Variants in SV2C observed in about 807,000 individuals in gnomAD.
SV2C encodes the protein synaptic vesicle glycoprotein 2C, also known as solute carrier family 22 member B3.
Under a neutral mutation model 79.7 loss-of-function variants are expected in SV2C, and 49 were observed. That is an observed-to-expected ratio of 0.61 (90% CI 0.49 to 0.78). SV2C has a LOEUF of 0.78. Among genes scored for constraint, SV2C ranks in the 30% least tolerant of loss-of-function variants. SV2C has a pLI of 0.00. For synonymous variants in SV2C, 334 were observed against 333.2 expected, an observed-to-expected ratio of 1.00 and a Z score of -0.03; for missense variants, 833 against 912.9, an observed-to-expected ratio of 0.91 and a Z score of 1.13.
the SV2C span, among the ~76,000 whole-genome samples, chr5:76,038,025 C>T: frequency 5.9e-5 from 9 of 152,320 alleles, no homozygotes; most frequent in Non-Finnish European, 1.3e-4. Flanking sequence ...TCTGTCACCA[C>T]TTTCTTTGAC....
intron 2 of SV2C, among the ~76,000 whole-genome samples, chr5:76,186,610 T>G (rs1261991606): frequency 6.6e-6 from 1 of 152,164 alleles, no homozygotes; most frequent in Admixed American, 6.5e-5. Context: ...GAGAATTGCT[T>G]GAATCCAGGA....
the SV2C span, among the ~76,000 whole-genome samples, chr5:76,076,312 T>C: frequency 1.3e-5 from 2 of 152,232 alleles, no homozygotes; most frequent in East Asian, 3.8e-4. Context: ...ATCTGGTGCC[T>C]TTTTAAATAT....
chr5:76,300,156 A>AATAATTATT (rs1747932468), intron 10 of SV2C, among the ~76,000 whole-genome samples: 1 of 139,684 alleles, frequency 7.2e-6, no homozygotes, highest in Non-Finnish European at 1.5e-5. Flanking sequence ...TCAAATAAAA[A>AATAATTATT]ATTATTATTA....
intron 2 of SV2C, chr5:76,173,643 A>G (rs1187595752): frequency 1.9e-6 from 3 of 1,612,690 alleles, no homozygotes; most frequent in Admixed American, 1.7e-5. Context: ...AGCAGCTGAC[A>G]TGATGACTTT....
intron 4 of SV2C, among the ~76,000 whole-genome samples, chr5:76,220,301 G>A (rs1219539826): frequency 1.3e-5 from 2 of 152,094 alleles, no homozygotes; most frequent in Non-Finnish European, 2.9e-5. Context: ...GAAATCAACT[G>A]GTGCATTCTT....
the SV2C span, among the ~76,000 whole-genome samples, chr5:75,884,990 C>T: frequency 6.6e-6 from 1 of 152,006 alleles, no homozygotes; most frequent in South Asian, 2.1e-4. Flanking sequence ...AAAGAAACAA[C>T]AATAGAATAA....
chr5:76,168,603 G>A (rs940795332), intron 2 of SV2C, among the ~76,000 whole-genome samples: 11 of 152,174 alleles, frequency 7.2e-5, no homozygotes, highest in African/African-American at 2.2e-4. Context: ...TTCTTATGCC[G>A]CGTTGCTCTC....
At chr5:76,174,053 A>C in intron 2 of SV2C, 1 of 1,576,872 alleles carries the variant, frequency 6.3e-7, no homozygotes, top group Non-Finnish European at 8.7e-7. Flanking sequence ...ATCTACTTCA[A>C]CTTGCTCTCT....
At chr5:76,152,907 G>A (rs7726643) in intron 2 of SV2C, among the ~76,000 whole-genome samples, 69,740 of 151,908 alleles carry the variant, frequency 0.46, 16,248 homozygotes, top group South Asian at 0.51. Flanking sequence ...GTGGGATCAT[G>A]GATCATATTT....
the SV2C span, among the ~76,000 whole-genome samples, chr5:75,926,988 C>T: frequency 5.3e-5 from 8 of 151,964 alleles, no homozygotes; most frequent in African/African-American, 1.5e-4. Context: ...TACTATTTGG[C>T]GGAAGAAGAT....
the SV2C span, among the ~76,000 whole-genome samples, chr5:75,992,438 A>G: frequency 1.3e-5 from 2 of 152,076 alleles, no homozygotes; most frequent in Admixed American, 1.3e-4. Flanking sequence ...AGTCCCCAAC[A>G]TGATTCAAAT....
intron 2 of SV2C, among the ~76,000 whole-genome samples, chr5:76,133,995 A>G (rs561306794): frequency 1.1e-4 from 16 of 152,306 alleles, no homozygotes; most frequent in Admixed American, 9.1e-4. Flanking sequence ...TTATACTGGA[A>G]AGACTACAGA....
At chr5:76,258,130 G>C (rs80047685) in intron 4 of SV2C, among the ~76,000 whole-genome samples, 1 of 144,102 alleles carries the variant, frequency 6.9e-6, no homozygotes, top group African/African-American at 2.5e-5. Flanking sequence ...ATGGTATATG[G>C]GGTGTGTGTG....
At chr5:76,233,651 G>T (rs999650133) in intron 4 of SV2C, among the ~76,000 whole-genome samples, 14 of 151,206 alleles carry the variant, frequency 9.3e-5, no homozygotes, top group African/African-American at 3.5e-4. Flanking sequence ...TAGCATGAAG[G>T]GTTGTTGAAT....
intron 2 of SV2C, among the ~76,000 whole-genome samples, chr5:76,143,350 G>A (rs1272875651): frequency 6.6e-6 from 1 of 152,114 alleles, no homozygotes; most frequent in Non-Finnish European, 1.5e-5. Context: ...CACTGAAGTA[G>A]CCCCTAATCC....
At chr5:75,962,208 A>G in the SV2C span, among the ~76,000 whole-genome samples, 1 of 152,152 alleles carries the variant, frequency 6.6e-6, no homozygotes, top group South Asian at 2.1e-4. Flanking sequence ...AGCTTGAGTA[A>G]CAGACACCCA....
At chr5:75,860,212 G>A in the SV2C span, among the ~76,000 whole-genome samples, 3 of 152,110 alleles carry the variant, frequency 2.0e-5, no homozygotes, top group Admixed American at 6.5e-5. Flanking sequence ...CAAAATCAAC[G>A]TACAAAAGTC....
intron 10 of SV2C, among the ~76,000 whole-genome samples, chr5:76,299,277 G>GAGAT (rs1427599109): frequency 6.6e-6 from 1 of 152,188 alleles, no homozygotes; most frequent in Non-Finnish European, 1.5e-5. Flanking sequence ...ATAGCCAACA[G>GAGAT]AGATAGACAA....
chr5:76,285,128 G>A (rs752240826), intron 4 of SV2C, 34 bp from the exon 5 acceptor site: 3 of 1,610,542 alleles, frequency 1.9e-6, no homozygotes, highest in Non-Finnish European at 2.5e-6. Context: ...TCTGGGAGGA[G>A]CTCTCCCTCA....
Sources: gnomAD v4.1 joint callset for allele counts (sites outside exome capture counted in the v4.1 genomes callset) on GRCh38, gnomAD v4.1.1 for gene constraint, MANE v1.5 for transcripts, NCBI Gene and HGNC (gene_info 2026-07-23, HGNC 2026-07-21) for gene names.